The following BRINP2 variants were observed in gnomAD, a reference collection of about 807,000 sequenced individuals.
The protein encoded by BRINP2 is BMP/retinoic acid inducible neural specific 2, also known as BMP/retinoic acid-inducible neural-specific protein 2.
Under a neutral mutation model 69.2 loss-of-function variants are expected in BRINP2, and 21 were observed. The observed-to-expected ratio is 0.30, with a 90% CI of 0.22 to 0.44. BRINP2 has a LOEUF of 0.44. BRINP2 is among the 20% of genes least tolerant of loss of function. The pLI is 1.00. For missense variants in BRINP2, 877 were observed against 986.0 expected (o/e 0.89, Z 1.48); for synonymous variants, 380 against 394.1 (o/e 0.96, Z 0.42).
chr1:177,221,875 G>A (rs1236503528), intron 1 of BRINP2, among the ~76,000 whole-genome samples: 2 of 152,220 alleles, frequency 1.3e-5, no homozygotes, highest in African/African-American at 2.4e-5. Flanking sequence ...TGGAGAAAAT[G>A]AGGCTAAAAG....
At position 177,171,704 on chromosome 1, in the gene BRINP2, A is replaced by G. The variant is rs1647937626; in HGVS notation, c.-105A>G. ...TGAAGGTTTGGGGAGCAGCTGATAC[A>G]GCAAGGAGGGCTCTTGCAAGGATTC... On this transcript the variant is annotated 5_prime_UTR_variant, in exon 1 of 8. Transcript: ENST00000361539. 2 of 152,258 alleles carry G rather than the reference A, an allele frequency of 1.3e-5. No homozygotes were observed. Among genetic ancestry groups the G allele is most frequent in the Non-Finnish European group, 2.9e-5 (2 of 68,110 alleles). The allele number at this position is 152,258 out of a possible 1,614,324, so 9.4% of individuals were successfully genotyped here.
intron 6 of BRINP2, among the ~76,000 whole-genome samples, chr1:177,278,196 G>A (rs1463838756): frequency 6.6e-6 from 1 of 152,038 alleles, no homozygotes; most frequent in Non-Finnish European, 1.5e-5. Flanking sequence ...TTATTGAAGA[G>A]GATTGGCCTT....
At chr1:177,184,919 G>A (rs1337083729) in intron 1 of BRINP2, among the ~76,000 whole-genome samples, 1 of 152,086 alleles carries the variant, frequency 6.6e-6, no homozygotes, top group Non-Finnish European at 1.5e-5. Context: ...AATGCAATGT[G>A]CACCTGGGGA....
intron 1 of BRINP2, among the ~76,000 whole-genome samples, chr1:177,220,734 A>G (rs1389416751): frequency 6.6e-6 from 1 of 152,200 alleles, no homozygotes; most frequent in East Asian, 1.9e-4. Context: ...GGGATGAGGA[A>G]TCTGGGCACA....
At chr1:177,255,668 A>T (rs1455252745) in intron 2 of BRINP2, among the ~76,000 whole-genome samples, 1 of 152,254 alleles carries the variant, frequency 6.6e-6, no homozygotes, top group Non-Finnish European at 1.5e-5. Flanking sequence ...CTACTGTCTG[A>T]TGAGAAAGTT....
chr1:177,178,340 A>G (rs749356363), intron 1 of BRINP2, among the ~76,000 whole-genome samples: 5 of 152,184 alleles, frequency 3.3e-5, no homozygotes, highest in Non-Finnish European at 5.9e-5. Context: ...GCTTAGCATA[A>G]CAAACAGGAG....
intron 1 of BRINP2, among the ~76,000 whole-genome samples, chr1:177,172,168 C>T (rs904041081): frequency 5.3e-5 from 8 of 152,284 alleles, no homozygotes; most frequent in African/African-American, 1.9e-4. Context: ...TTACAATGCA[C>T]GATATCTATA....
At chr1:177,244,528 G>T (rs1295607571) in intron 2 of BRINP2, among the ~76,000 whole-genome samples, 1 of 152,164 alleles carries the variant, frequency 6.6e-6, no homozygotes, top group Non-Finnish European at 1.5e-5. Context: ...TACTCGGGAG[G>T]CTAAGGCAGG....
chr1:177,193,413 A>C (rs1648647428), intron 1 of BRINP2, among the ~76,000 whole-genome samples: 1 of 152,224 alleles, frequency 6.6e-6, no homozygotes, highest in Non-Finnish European at 1.5e-5. Flanking sequence ...TATTGAAAGC[A>C]AATGTCTGCC....
At chr1:177,199,475 G>A (rs1055161876) in intron 1 of BRINP2, among the ~76,000 whole-genome samples, 1 of 152,132 alleles carries the variant, frequency 6.6e-6, no homozygotes, top group Admixed American at 6.5e-5. Flanking sequence ...CAGGCAGACT[G>A]GAATTGAGAA....
Position 177,265,978 on chromosome 1 carries a change from GGCGTGGTGGCAGGC to G in BRINP2, c.670-7507_670-7494del, listed in dbSNP as rs977356063. 3.1e-4 allele frequency among the ~76,000 whole-genome samples: 47 copies of G among 151,708 alleles called. 1 individual carries two copies. The highest frequency in any genetic ancestry group is 1.7e-3 in the Admixed American group (26 of 15,228). On this transcript the variant is annotated intron_variant, in intron 4 of 7. Transcript: ENST00000361539. ...TAGTAAAAATACAAAAAATTAGCTG[GGCGTGGTGGCAGGC>G]GCCTGTAGTCCCAGCTACTTGGGAG...
At chr1:177,226,622 G>T (rs777984103) in intron 1 of BRINP2, among the ~76,000 whole-genome samples, 1 of 152,176 alleles carries the variant, frequency 6.6e-6, no homozygotes, top group Non-Finnish European at 1.5e-5. Context: ...GTCTCTGTGG[G>T]TCAGGAGCAT....
chr1:177,245,355 C>T (rs1650341648), intron 2 of BRINP2, among the ~76,000 whole-genome samples: 1 of 152,072 alleles, frequency 6.6e-6, no homozygotes, highest in South Asian at 2.1e-4. Context: ...GGAACTAAAA[C>T]TATTTAGTCC....
chr1:177,180,766 A>G (rs1054477563), intron 1 of BRINP2, among the ~76,000 whole-genome samples: 22 of 152,226 alleles, frequency 1.4e-4, no homozygotes, highest in African/African-American at 4.6e-4. Flanking sequence ...CACATTGAAG[A>G]CCACTGCAGA....
rs1029332133 is a variant in BRINP2 at position 177,280,514 on chromosome 1, C to G, written c.1338C>G (p.Pro446=). ...AACAGAGCCACAGCTGCACCTGCCC[C>G]TATGACCAATCTTCCTGCCAGGGCC... The part of the protein sequence containing the change: ...FLEQSHSCTC[P]YDQSSCQGPI... Residue 446 remains proline (P), a synonymous_variant, in exon 8 of 8, where the codon CCC becomes CCG. Coordinates refer to ENST00000361539, the MANE Select transcript of BRINP2 (RefSeq NM_021165.4). 1.9e-6 allele frequency: 3 copies of G among 1,614,244 alleles called. No individual in the cohort carries two copies. Among genetic ancestry groups the G allele is most frequent in the Non-Finnish European group, 2.5e-6 (3 of 1,180,050 alleles).
chr1:177,191,724 G>T (rs758910632), intron 1 of BRINP2, among the ~76,000 whole-genome samples: 7 of 152,172 alleles, frequency 4.6e-5, no homozygotes, highest in Non-Finnish European at 1.0e-4. Flanking sequence ...AAAGTGCTGG[G>T]ATTACAGGCG....
intron 1 of BRINP2, among the ~76,000 whole-genome samples, chr1:177,226,037 G>A (rs1649680479): frequency 2.0e-5 from 3 of 152,182 alleles, no homozygotes; most frequent in Admixed American, 6.5e-5. Context: ...TTCTGAAAAA[G>A]CATAATTACA....
chr1:177,268,324 T>C (rs1052430736), intron 4 of BRINP2, among the ~76,000 whole-genome samples: 1 of 152,224 alleles, frequency 6.6e-6, no homozygotes, highest in Non-Finnish European at 1.5e-5. Context: ...CTTTTGTTGG[T>C]GCTACGACAC....
At chr1:177,205,809 T>A (rs1649056037) in intron 1 of BRINP2, among the ~76,000 whole-genome samples, 3 of 152,196 alleles carry the variant, frequency 2.0e-5, no homozygotes, top group Admixed American at 2.0e-4. Flanking sequence ...AGGAGTATAT[T>A]TCATGGTGAA....
Sources: allele counts gnomAD v4.1 joint callset (sites outside exome capture counted in the v4.1 genomes callset), GRCh38; gene constraint gnomAD v4.1.1; transcripts MANE v1.5; gene names NCBI Gene and HGNC (gene_info 2026-07-23, HGNC 2026-07-21).